Variants in ARHGAP31 observed in about 807,000 individuals in gnomAD.
ARHGAP31 encodes rho GTPase-activating protein 31.
Under a neutral mutation model 113.9 loss-of-function variants are expected in ARHGAP31, and 34 were observed. The ratio of observed to expected loss-of-function variants is 0.30; its 90% CI spans 0.23 to 0.40. ARHGAP31 has a LOEUF of 0.40. Among genes scored for constraint, ARHGAP31 ranks in the 10% least tolerant of loss-of-function variants. The pLI is 1.00. For missense variants in ARHGAP31, 1,548 were observed against 1,767.1 expected, an observed-to-expected ratio of 0.88 and a Z score of 2.22; for synonymous variants, 650 against 684.8, an observed-to-expected ratio of 0.95 and a Z score of 0.79.
At chr3:119,304,771 T>C (rs1215612368) in intron 1 of ARHGAP31, among the ~76,000 whole-genome samples, 2 of 152,000 alleles carry the variant, frequency 1.3e-5, no homozygotes, top group Non-Finnish European at 2.9e-5. Flanking sequence ...GGTGGGCGCC[T>C]GTAATCCCAG....
At position 119,414,064 on chromosome 3, in the gene ARHGAP31, C is replaced by T. The variant is rs192493712; in HGVS notation, c.2135C>T (p.Ser712Phe). The T allele has an allele frequency of 1.2e-6, 2 of 1,614,160 alleles. No individual in the cohort carries two copies. The highest frequency in any genetic ancestry group is 2.2e-5 in the South Asian group (2 of 91,084). Reference protein sequence around the residue: ...LPCGSFPAPVSTPLEVWTRDP... With the variant: ...LPCGSFPAPVFTPLEVWTRDP... Reference sequence around the variant, plus strand: ...TGTGGCTCCTTCCCTGCTCCAGTCTCCACCCCTCTGGAGGTGTGGACTAGG... The same window carrying T: ...TGTGGCTCCTTCCCTGCTCCAGTCTTCACCCCTCTGGAGGTGTGGACTAGG... Residue 712 changes from serine to phenylalanine, a missense_variant, in exon 12 of 12, where the codon TCC (serine) becomes TTC (phenylalanine). Physicochemically the swap from Ser to Phe is radical, Grantham distance 155 (BLOSUM62 -2). Coordinates refer to ENST00000264245, the MANE Select transcript of ARHGAP31 (RefSeq NM_020754.4).
At chr3:119,338,400 T>C (rs572541672) in intron 1 of ARHGAP31, among the ~76,000 whole-genome samples, 15 of 152,200 alleles carry the variant, frequency 9.9e-5, no homozygotes, top group Non-Finnish European at 2.2e-4. Flanking sequence ...GTACTACATA[T>C]TCCTGCATTT....
At chr3:119,374,039 T>G (rs2080327211) in intron 3 of ARHGAP31, among the ~76,000 whole-genome samples, 1 of 152,230 alleles carries the variant, frequency 6.6e-6, no homozygotes, top group Admixed American at 6.5e-5. Flanking sequence ...TCTATTGTTG[T>G]TAAAACTGTG....
intron 1 of ARHGAP31, among the ~76,000 whole-genome samples, chr3:119,336,982 G>C (rs965527699): frequency 2.0e-5 from 3 of 152,166 alleles, no homozygotes; most frequent in African/African-American, 7.2e-5. Flanking sequence ...GCTTATGTTA[G>C]TACTTAAGTC....
intron 1 of ARHGAP31, among the ~76,000 whole-genome samples, chr3:119,347,560 G>A (rs188873296): frequency 6.6e-6 from 1 of 152,288 alleles, no homozygotes; most frequent in African/African-American, 2.4e-5. Context: ...AAACACCAGT[G>A]TCTTCATGGA....
chr3:119,349,285 A>G (rs2080089811), intron 1 of ARHGAP31, among the ~76,000 whole-genome samples: 1 of 152,196 alleles, frequency 6.6e-6, no homozygotes, highest in Non-Finnish European at 1.5e-5. Context: ...GCTCATAGAA[A>G]TTCAGATATC....
intron 10 of ARHGAP31, among the ~76,000 whole-genome samples, chr3:119,408,138 A>G (rs906303619): frequency 1.2e-4 from 18 of 152,338 alleles, no homozygotes; most frequent in Admixed American, 1.1e-3. Context: ...TGCAAATACT[A>G]TGTATGCCAT....
At chr3:119,360,567 G>A (rs2080196867) in intron 1 of ARHGAP31, among the ~76,000 whole-genome samples, 1 of 152,140 alleles carries the variant, frequency 6.6e-6, no homozygotes, top group Non-Finnish European at 1.5e-5. Flanking sequence ...TTGACTTCTG[G>A]CCTTTTCTGC....
intron 1 of ARHGAP31, among the ~76,000 whole-genome samples, chr3:119,357,887 T>G (rs116405556): frequency 0.019 from 2,864 of 152,362 alleles, 85 homozygotes; most frequent in African/African-American, 0.064. Context: ...ACATCACTCT[T>G]TATGCATGTG....
chr3:119,409,106 G>A (rs977715808), intron 10 of ARHGAP31, among the ~76,000 whole-genome samples: 8 of 152,196 alleles, frequency 5.3e-5, no homozygotes, highest in African/African-American at 1.9e-4. Context: ...GTTCTGTGCA[G>A]TGGAGGATAT....
At chr3:119,402,830 CCTT>C (rs2107641346) in intron 10 of ARHGAP31, among the ~76,000 whole-genome samples, 1 of 152,262 alleles carries the variant, frequency 6.6e-6, no homozygotes, top group East Asian at 1.9e-4. Context: ...CTTCCAGTCT[CCTT>C]CTCTTTCCAT....
In ARHGAP31 at chr3:119,415,421, C is replaced by A; in HGVS notation, c.3492C>A (p.Asp1164Glu). The change falls in exon 12 of 12, where the codon GAC (aspartate) becomes GAA (glutamate). Residue 1164 changes from aspartate (D) to glutamate (E), a missense_variant. Asp to Glu is a conservative substitution (Grantham distance 45). Transcript: ENST00000264245. ...PWRVYSQDPQ[D>E]LDIVAHALTG... ...GGGTTTACTCCCAGGACCCCCAGGA[C>A]CTGGACATTGTTGCTCATGCACTGA... 6.2e-7 allele frequency: 1 copy of A among 1,614,074 alleles called. No individual in the cohort carries two copies. Among genetic ancestry groups the A allele is most frequent in the Non-Finnish European group, 8.5e-7 (1 of 1,180,042 alleles).
intron 10 of ARHGAP31, among the ~76,000 whole-genome samples, chr3:119,404,421 C>T (rs2080642810): frequency 6.6e-6 from 1 of 152,164 alleles, no homozygotes; most frequent in South Asian, 2.1e-4. Context: ...AGGCAGCCAT[C>T]CAGATCTGAG....
chr3:119,303,081 T>C (rs2079599351), intron 1 of ARHGAP31, among the ~76,000 whole-genome samples: 1 of 152,222 alleles, frequency 6.6e-6, no homozygotes, highest in Admixed American at 6.5e-5. Context: ...ATTCTACCTG[T>C]TGTTTTGTTC....
intron 1 of ARHGAP31, among the ~76,000 whole-genome samples, chr3:119,326,525 G>C (rs2079845498): frequency 1.3e-5 from 2 of 152,206 alleles, no homozygotes; most frequent in Admixed American, 6.5e-5. Flanking sequence ...CAGAGGCCTA[G>C]AAGTGGAAAC....
At chr3:119,329,772 T>C (rs1368195469) in intron 1 of ARHGAP31, 1 of 982,118 alleles carries the variant, frequency 1.0e-6, no homozygotes, top group Non-Finnish European at 1.2e-6. Context: ...CATTCCACAG[T>C]GCCCAGTGAA....
At chr3:119,377,203 TG>T (rs1286734589) in intron 3 of ARHGAP31, among the ~76,000 whole-genome samples, 1 of 152,096 alleles carries the variant, frequency 6.6e-6, no homozygotes, top group African/African-American at 2.4e-5. Context: ...TAATGGTGAA[TG>T]GAACAGAGAA....
At chr3:119,364,048 G>A (rs1274342360) in intron 1 of ARHGAP31, among the ~76,000 whole-genome samples, 2 of 152,136 alleles carry the variant, frequency 1.3e-5, no homozygotes, top group Non-Finnish European at 2.9e-5. Flanking sequence ...GCCTGTATCT[G>A]CCCCTGTTGG....
rs745963681 is a variant in ARHGAP31 at position 119,414,244 on chromosome 3, G to A, written c.2315G>A (p.Gly772Glu). 7.4e-6 allele frequency: 12 copies of A among 1,614,040 alleles called. No homozygotes were observed. The highest frequency in any genetic ancestry group is 1.0e-5 in the Non-Finnish European group (12 of 1,180,024). Reference sequence around the variant, plus strand: ...TCTCCACAAGCAACAGTGGAAGTAGGAGGCCCAGGCAATCTGTCTCCTCCA... The same window carrying A: ...TCTCCACAAGCAACAGTGGAAGTAGAAGGCCCAGGCAATCTGTCTCCTCCA... ...KASPQATVEV[G>E]GPGNLSPPLP... Residue 772 changes from glycine to glutamate, a missense_variant, in exon 12 of 12, where the codon GGA becomes GAA. Gly to Glu is a moderately conservative substitution (Grantham distance 98). Transcript: ENST00000264245.
Sources: gnomAD v4.1 joint callset for allele counts (sites outside exome capture counted in the v4.1 genomes callset) on GRCh38, gnomAD v4.1.1 for gene constraint, MANE v1.5 for transcripts, NCBI Gene and HGNC (gene_info 2026-07-23, HGNC 2026-07-21) for gene names.